NHSL1: variants seen among roughly 807,000 people sequenced by gnomAD.
The protein encoded by NHSL1 is NHS like 1.
Under a neutral mutation model 95.0 loss-of-function variants are expected in NHSL1, and 48 were observed. The observed-to-expected ratio is 0.51, with a 90% confidence interval of 0.40 to 0.64. The LOEUF is 0.64. Ranked by LOEUF, NHSL1 falls within the 30% of genes least tolerant of loss-of-function variation. The pLI is 0.00. For missense variants in NHSL1, 1,971 were observed against 2,077.7 expected, an observed-to-expected ratio of 0.95 and a Z score of 1.00; for synonymous variants, 783 against 833.9, an observed-to-expected ratio of 0.94 and a Z score of 1.05.
At chr6:138,490,461 GA>G (rs1780006421) in intron 2 of NHSL1, among the ~76,000 whole-genome samples, 1 of 152,086 alleles carries the variant, frequency 6.6e-6, no homozygotes, top group Non-Finnish European at 1.5e-5. Context: ...AATTCAGAAG[GA>G]GGCCCACAAT....
intron 5 of NHSL1, among the ~76,000 whole-genome samples, chr6:138,440,178 A>G (rs1212721694): frequency 6.6e-6 from 1 of 152,226 alleles, no homozygotes; most frequent in African/African-American, 2.4e-5. Context: ...TAAAAAGACC[A>G]GTTAAAGTAT....
chr6:138,648,250 A>G (rs9495181), intron 1 of NHSL1, among the ~76,000 whole-genome samples: 4,455 of 152,210 alleles, frequency 0.029, 216 homozygotes, highest in African/African-American at 0.1. Flanking sequence ...CTGCTGCATA[A>G]CTAACCACTC....
intron 1 of NHSL1, chr6:138,650,534 T>C (rs1345751423): frequency 1.6e-6 from 1 of 607,638 alleles, no homozygotes; most frequent in East Asian, 4.0e-5. Flanking sequence ...GGTTACAGCC[T>C]CACAAGAAAA....
intron 1 of NHSL1, among the ~76,000 whole-genome samples, chr6:138,660,078 T>G (rs1365835896): frequency 6.6e-6 from 1 of 152,186 alleles, no homozygotes; most frequent in Non-Finnish European, 1.5e-5. Flanking sequence ...ACACCTCACA[T>G]TCCTCTTACT....
At chr6:138,479,228 T>C (rs956293609) in intron 2 of NHSL1, among the ~76,000 whole-genome samples, 4 of 152,194 alleles carry the variant, frequency 2.6e-5, no homozygotes, top group Non-Finnish European at 5.9e-5. Flanking sequence ...ATTTCTCAGA[T>C]GGAAGATTCA....
Position 138,433,592 on chromosome 6 carries a change from C to T in NHSL1, c.753G>A (p.Arg251=). Residue 251 remains arginine, a synonymous_variant, in exon 6 of 8, where the codon CGG becomes CGA. Coordinates refer to ENST00000343505, the MANE Select transcript of NHSL1 (RefSeq NM_001144060.2). ...TGGTTTCTGAGCGCTGCCCAGCAGA[C>T]CGACAGCTATTGAACCTTCCTAGTG... ...YSTLGRFNSC[R]SAGQRSETRD... 1 of 1,552,134 alleles carries T rather than the reference C, an allele frequency of 6.4e-7. No individual in the cohort carries two copies. Among genetic ancestry groups the T allele is most frequent in the South Asian group, 1.2e-5 (1 of 84,060 alleles).
At chr6:138,538,342 T>C (rs1260804324) in intron 1 of NHSL1, among the ~76,000 whole-genome samples, 2 of 152,186 alleles carry the variant, frequency 1.3e-5, no homozygotes, top group East Asian at 3.9e-4. Flanking sequence ...CCCACATAGC[T>C]AACACCAAGG....
intron 1 of NHSL1, among the ~76,000 whole-genome samples, chr6:138,563,464 A>G (rs1044972555): frequency 6.6e-6 from 1 of 152,220 alleles, no homozygotes; most frequent in African/African-American, 2.4e-5. Flanking sequence ...ACAACTGGAA[A>G]TTCTAGATAA....
intron 1 of NHSL1, among the ~76,000 whole-genome samples, chr6:138,608,919 C>T (rs1038246287): frequency 3.3e-5 from 5 of 152,316 alleles, no homozygotes; most frequent in African/African-American, 1.2e-4. Flanking sequence ...CACTGTCTTG[C>T]CCATCTACTC....
At chr6:138,537,149 T>C (rs1782386982) in intron 1 of NHSL1, among the ~76,000 whole-genome samples, 1 of 152,246 alleles carries the variant, frequency 6.6e-6, no homozygotes, top group Non-Finnish European at 1.5e-5. Context: ...AAATCTTGTT[T>C]TAAATTTTTA....
chr6:138,439,552 A>G (rs927255396), intron 5 of NHSL1, among the ~76,000 whole-genome samples: 2 of 152,240 alleles, frequency 1.3e-5, no homozygotes, highest in African/African-American at 2.4e-5. Context: ...ATGTAATCCA[A>G]TATTTTTGCT....
chr6:138,614,307 T>A (rs1345031828), intron 1 of NHSL1, among the ~76,000 whole-genome samples: 1 of 152,202 alleles, frequency 6.6e-6, no homozygotes, highest in African/African-American at 2.4e-5. Flanking sequence ...CACTTGTGAC[T>A]GTGAGATGAC....
intron 2 of NHSL1, among the ~76,000 whole-genome samples, chr6:138,480,336 A>C (rs1779340989): frequency 6.6e-6 from 1 of 152,150 alleles, no homozygotes; most frequent in Non-Finnish European, 1.5e-5. Flanking sequence ...TTCCATTCGC[A>C]TTTGGTTTCG....
At chr6:138,468,199 A>T (rs1278673951) in intron 3 of NHSL1, among the ~76,000 whole-genome samples, 1 of 152,198 alleles carries the variant, frequency 6.6e-6, no homozygotes, top group East Asian at 1.9e-4. Flanking sequence ...AGCTCCATTC[A>T]TGGTAAGTGC....
At chr6:138,499,787 GA>G (rs1780574653), upstream of NHSL1, among the ~76,000 whole-genome samples, 1 of 152,156 alleles carries the variant, frequency 6.6e-6, no homozygotes, top group Non-Finnish European at 1.5e-5. Context: ...TGCCAAGTCT[GA>G]CAGCAATTCC....
intron 1 of NHSL1, among the ~76,000 whole-genome samples, chr6:138,589,057 T>C (rs551766624): frequency 6.6e-6 from 1 of 152,220 alleles, no homozygotes; most frequent in South Asian, 2.1e-4. Context: ...GGGTGGACCA[T>C]CAGGGAGGGA....
intron 1 of NHSL1, among the ~76,000 whole-genome samples, chr6:138,513,346 A>G (rs1781316321): frequency 6.6e-6 from 1 of 152,096 alleles, no homozygotes. Context: ...TTATGAATAA[A>G]CCTAACATTT....
chr6:138,628,977 A>G (rs1458637114), intron 1 of NHSL1, among the ~76,000 whole-genome samples: 1 of 152,244 alleles, frequency 6.6e-6, no homozygotes, highest in Non-Finnish European at 1.5e-5. Flanking sequence ...GACTGAGAAG[A>G]AAACATTAGA....
chr6:138,616,963 C>T (rs149113592), intron 1 of NHSL1, among the ~76,000 whole-genome samples: 4 of 152,296 alleles, frequency 2.6e-5, no homozygotes, highest in Non-Finnish European at 4.4e-5. Context: ...CTGGAAGTAC[C>T]GGCATGGCTC....
Sources: allele counts gnomAD v4.1 joint callset (sites outside exome capture counted in the v4.1 genomes callset), GRCh38; gene constraint gnomAD v4.1.1; transcripts MANE v1.5; gene names NCBI Gene and HGNC (gene_info 2026-07-23, HGNC 2026-07-21).